Variants in DNAH6 observed in about 807,000 individuals in gnomAD.
The protein encoded by DNAH6 is axonemal beta dynein heavy chain 6.
DNAH6 carries 340 observed loss-of-function variants against 491.4 expected under a neutral mutation model. The observed-to-expected ratio is 0.69, with a 90% CI of 0.63 to 0.76. The LOEUF is 0.76. Among genes scored for constraint, DNAH6 ranks in the 30% least tolerant of loss-of-function variants. The pLI is 0.00. For synonymous variants in DNAH6, 1,603 were observed against 1,686.1 expected, an observed-to-expected ratio of 0.95 and a Z score of 1.21; for missense variants, 4,443 against 4,972.2, an observed-to-expected ratio of 0.89 and a Z score of 3.20.
At chr2:84,618,742 A>G (rs1224649989) in intron 23 of DNAH6, among the ~76,000 whole-genome samples, 1 of 152,226 alleles carries the variant, frequency 6.6e-6, no homozygotes, top group African/African-American at 2.4e-5. Flanking sequence ...GAGAGATTAA[A>G]CATAATACAA....
the DNAH6 span, among the ~76,000 whole-genome samples, chr2:84,471,811 GATA>G: frequency 1.3e-5 from 2 of 152,228 alleles, no homozygotes; most frequent in Non-Finnish European, 2.9e-5. Context: ...AGAGGCCACT[GATA>G]ATGAGAAACA....
At chr2:84,500,767 GAATT>G in the DNAH6 span, among the ~76,000 whole-genome samples, 1 of 151,822 alleles carries the variant, frequency 6.6e-6, no homozygotes, top group South Asian at 2.1e-4. Flanking sequence ...AATTCCTAGG[GAATT>G]AATTTATTTG....
intron 33 of DNAH6, among the ~76,000 whole-genome samples, chr2:84,652,515 T>C (rs758016519): frequency 7.9e-5 from 12 of 152,138 alleles, no homozygotes; most frequent in Admixed American, 2.6e-4. Context: ...AGTTTGTATA[T>C]AAAGCCTTTT....
In DNAH6 at chr2:84,707,547, G is replaced by T; in HGVS notation, c.8879G>T (p.Arg2960Leu). 7 of 1,551,784 alleles carry T rather than the reference G, an allele frequency of 4.5e-6. No individual in the cohort carries two copies. The highest frequency in any genetic ancestry group is 6.1e-6 in the Non-Finnish European group (7 of 1,146,966). ...LAKTMALTKA[R>L]LVRAGKLTAA... Reference sequence around the variant, plus strand: ...AAGACCATGGCCCTGACAAAAGCACGTCTAGTACGTGCTGGAAAGCTGACA... The same window carrying T: ...AAGACCATGGCCCTGACAAAAGCACTTCTAGTACGTGCTGGAAAGCTGACA... Residue 2960 changes from arginine to leucine, a missense_variant, in exon 54 of 77, where the codon CGT becomes CTT. Physicochemically the swap from Arg to Leu is moderately radical, Grantham distance 102. Around this residue, in one of 3 missense-constraint regions of DNAH6, gnomAD observed 1,463 missense variants for 1,656.6 expected, o/e 0.88. Transcript: ENST00000389394.
intron 36 of DNAH6, 94 bp from the exon 37 acceptor site, chr2:84,658,932 T>C: frequency 1.3e-6 from 1 of 792,804 alleles, no homozygotes. Context: ...TGTGTGAGTC[T>C]AAATGAAAGA....
chr2:84,588,479 A>G (rs980072634), intron 15 of DNAH6, among the ~76,000 whole-genome samples: 1 of 152,184 alleles, frequency 6.6e-6, no homozygotes, highest in Non-Finnish European at 1.5e-5. Context: ...GTGGAAATTT[A>G]CCGTATATCA....
At chr2:84,780,399 A>G (rs933287261) in intron 64 of DNAH6, among the ~76,000 whole-genome samples, 3 of 152,098 alleles carry the variant, frequency 2.0e-5, no homozygotes, top group Admixed American at 2.0e-4. Context: ...GAGCTCTGAA[A>G]TTCGTTTTTT....
the DNAH6 span, among the ~76,000 whole-genome samples, chr2:84,481,139 G>A: frequency 6.6e-6 from 1 of 152,086 alleles, no homozygotes; most frequent in Non-Finnish European, 1.5e-5. Context: ...GATGCTAGTG[G>A]GTTGGGCAGC....
At chr2:84,809,392 G>T (rs769463065) in intron 72 of DNAH6, among the ~76,000 whole-genome samples, 6 of 152,154 alleles carry the variant, frequency 3.9e-5, no homozygotes, top group Non-Finnish European at 5.9e-5. Context: ...TCCGGAAGTT[G>T]CTGCTTGGCT....
chr2:84,475,202 G>C, the DNAH6 span, among the ~76,000 whole-genome samples: 1 of 152,120 alleles, frequency 6.6e-6, no homozygotes, highest in African/African-American at 2.4e-5. Flanking sequence ...GACCTTTTTT[G>C]GTGGCTCCCC....
At chr2:84,510,624 C>T in the DNAH6 span, among the ~76,000 whole-genome samples, 4 of 152,160 alleles carry the variant, frequency 2.6e-5, no homozygotes, top group South Asian at 4.1e-4. Flanking sequence ...TGAGGATCTG[C>T]GTTCCTTTGG....
rs1684752332 is a variant in DNAH6, at chr2:84,597,782, A to T, written c.2868+1993A>T. Among the ~76,000 whole-genome samples the T allele has an allele frequency of 2.0e-5, 3 of 152,232 alleles. No individual in the cohort carries two copies. The South Asian group carries it at 6.2e-4, about 32-fold the overall frequency. On this transcript the variant is annotated intron_variant, in intron 18 of 76. Coordinates refer to ENST00000389394, the MANE Select transcript of DNAH6 (RefSeq NM_001370.2). ...TATGATGGAGTTTTATTCAGTAGTA[A>T]AATGAAATTAAGTTGTATGTGCAAC...
chr2:84,523,628 G>A (rs560662342), intron 2 of DNAH6, among the ~76,000 whole-genome samples: 2 of 152,014 alleles, frequency 1.3e-5, no homozygotes, highest in Non-Finnish European at 2.9e-5. Context: ...CCTTAACTGT[G>A]TCCCAGAGAT....
chr2:84,722,859 G>A (rs767314759), intron 60 of DNAH6, 55 bp downstream of exon 60: 133 of 1,052,350 alleles, frequency 1.3e-4, no homozygotes, highest in Non-Finnish European at 1.6e-4. Context: ...CATTACACCT[G>A]TTGAATTACT....
At chr2:84,664,328 A>G (rs1309236806) in intron 37 of DNAH6, among the ~76,000 whole-genome samples, 2 of 152,328 alleles carry the variant, frequency 1.3e-5, no homozygotes, top group Non-Finnish European at 2.9e-5. Flanking sequence ...GTCAAGACCC[A>G]TCGGTGTGCT....
chr2:84,745,759 A>G (rs1672917714), intron 63 of DNAH6, among the ~76,000 whole-genome samples: 1 of 151,950 alleles, frequency 6.6e-6, no homozygotes, highest in Non-Finnish European at 1.5e-5. Flanking sequence ...AGCCAGGGCC[A>G]TGGTTATCCT....
the DNAH6 span, among the ~76,000 whole-genome samples, chr2:84,460,512 A>G: frequency 6.6e-6 from 1 of 152,262 alleles, no homozygotes; most frequent in African/African-American, 2.4e-5. Context: ...AATTGATAAA[A>G]TGCATGATGA....
chr2:84,587,803 C>T (rs1273875719), intron 15 of DNAH6, among the ~76,000 whole-genome samples: 6 of 152,090 alleles, frequency 3.9e-5, no homozygotes, highest in South Asian at 2.1e-4. Context: ...TCCCTCATGG[C>T]GAATAGATGG....
Position 84,517,940 on chromosome 2 carries a change from T to C in DNAH6, c.114T>C (p.Tyr38=), listed in dbSNP as rs578105682. ...NNIKAKQRVS[Y]VTSTENESDT... Reference sequence around the variant, plus strand: ...TAAAAGCCAAACAAAGAGTGAGTTATGTGACATCCACAGAAAATGAATCTG... The same window carrying C: ...TAAAAGCCAAACAAAGAGTGAGTTACGTGACATCCACAGAAAATGAATCTG... Residue 38 remains tyrosine (Y), a synonymous_variant, in exon 2 of 77, where the codon TAT becomes TAC. Coordinates refer to ENST00000389394, the MANE Select transcript of DNAH6 (RefSeq NM_001370.2). 7.1e-6 allele frequency: 11 copies of C among 1,551,930 alleles called. No homozygotes were observed. In the African/African-American group the frequency reaches 1.1e-4, roughly 15 times the overall value.
Sources: allele counts gnomAD v4.1 joint callset (sites outside exome capture counted in the v4.1 genomes callset), GRCh38; gene constraint gnomAD v4.1.1; regional missense constraint gnomAD v4.1.1; transcripts MANE v1.5; gene names NCBI Gene and HGNC (gene_info 2026-07-23, HGNC 2026-07-21).